Variants in SI observed in about 807,000 individuals in gnomAD.
SI encodes sucrase-isomaltase, intestinal.
A neutral mutation model predicts 253.3 loss-of-function variants in SI; 235 were observed. The ratio of observed to expected loss-of-function variants is 0.93; its 90% CI spans 0.83 to 1.03. The LOEUF (loss-of-function observed/expected upper bound fraction) is 1.03, where lower values mean the gene tolerates loss of function less well. Among genes scored for constraint, SI ranks in the 50% least tolerant of loss-of-function variants. The pLI, the probability that SI is intolerant of heterozygous loss-of-function variation, is 0.00. For synonymous variants in SI, 819 were observed against 712.0 expected, an observed-to-expected ratio of 1.15 and a Z score of -2.39; for missense variants, 2,442 against 2,211.1, an observed-to-expected ratio of 1.10 and a Z score of -2.09.
intron 19 of SI, 144 bp from the exon 20 acceptor site, chr3:165,039,278 G>T: frequency 1.6e-6 from 1 of 608,552 alleles, no homozygotes. Flanking sequence ...TAATCAAAGG[G>T]CTATTTTATT....
rs1047448736 is a variant in SI at position 165,037,939 on chromosome 3, A to C, written c.2387T>G (p.Ile796Ser). The C allele has an allele frequency of 6.2e-7, 1 of 1,611,316 alleles. No homozygotes were observed. The highest frequency in any genetic ancestry group is 8.5e-7 in the Non-Finnish European group (1 of 1,178,298). Residue 796 changes from isoleucine (I) to serine (S), a missense_variant, in exon 21 of 48, where the codon ATC (isoleucine) becomes AGC (serine). Physicochemically the swap from Ile to Ser is moderately radical, Grantham distance 142. Coordinates refer to ENST00000264382, the MANE Select transcript of SI (RefSeq NM_001041.4). Reference protein sequence around the residue: ...KIGLHLRGGYIIPIQEPDVTT... With the variant: ...KIGLHLRGGYSIPIQEPDVTT... ...TACATCTGGTTCTTGAATGGGGATG[A>C]TATAACCTCCTCTAAGATGTAATCC...
At chr3:165,055,104 GA>G (rs1275663725) in intron 13 of SI, 89 bp downstream of exon 13, 31 of 813,596 alleles carry the variant, frequency 3.8e-5, no homozygotes, top group Middle Eastern at 3.4e-4. Context: ...GAATACATCA[GA>G]AAAAAATATT....
intron 10 of SI, 61 bp from the exon 11 acceptor site, chr3:165,059,360 A>G: frequency 6.7e-7 from 1 of 1,484,442 alleles, no homozygotes; most frequent in Non-Finnish European, 9.4e-7. Context: ...AATCAAGTCA[A>G]TCTTTAACTC....
chr3:165,068,301 G>T (rs1714363530), intron 5 of SI, among the ~76,000 whole-genome samples: 1 of 152,122 alleles, frequency 6.6e-6, no homozygotes, highest in East Asian at 1.9e-4. Context: ...AAAAATAAGT[G>T]CAGAGCACAC....
intron 13 of SI, among the ~76,000 whole-genome samples, chr3:165,051,547 T>G (rs143692823): frequency 1.5e-3 from 231 of 152,160 alleles, no homozygotes; most frequent in African/African-American, 5.2e-3. Flanking sequence ...TAAACTACAT[T>G]TTTCTTCATG....
chr3:165,049,971 T>G, intron 13 of SI, 96 bp from the exon 14 acceptor site: 4 of 791,214 alleles, frequency 5.1e-6, no homozygotes, highest in Non-Finnish European at 8.9e-6. Flanking sequence ...TTATATAAGA[T>G]AACCATAATG....
intron 24 of SI, among the ~76,000 whole-genome samples, chr3:165,031,468 T>C (rs1712240373): frequency 6.7e-6 from 1 of 149,538 alleles, no homozygotes; most frequent in Non-Finnish European, 1.5e-5. Context: ...CCTCTTTTAA[T>C]CTCTATTAGA....
intron 34 of SI, among the ~76,000 whole-genome samples, 169 bp from the exon 35 acceptor site, chr3:165,009,564 A>G (rs1644565746): frequency 6.6e-6 from 1 of 151,112 alleles, no homozygotes; most frequent in Admixed American, 6.6e-5. Flanking sequence ...CAACACTTCA[A>G]TAGAGTAAAG....
At chr3:165,076,226 C>A (rs937158017) in intron 1 of SI, among the ~76,000 whole-genome samples, 13 of 151,542 alleles carry the variant, frequency 8.6e-5, no homozygotes, top group African/African-American at 2.7e-4. Flanking sequence ...AAAATGTAAG[C>A]AACACATGCA....
chr3:164,996,717 A>G (rs766266827), intron 39 of SI, 21 bp downstream of exon 39: 38 of 1,215,980 alleles, frequency 3.1e-5, no homozygotes, highest in Non-Finnish European at 3.9e-5. Context: ...TTATGAAGAT[A>G]AAAGGAATAA....
chr3:165,027,254 C>T (rs1042549020), intron 25 of SI, among the ~76,000 whole-genome samples: 7 of 150,502 alleles, frequency 4.7e-5, no homozygotes, highest in East Asian at 1.9e-4. Flanking sequence ...AACCTTAAAT[C>T]GGGAAGAATT....
At position 165,017,843 on chromosome 3, in the gene SI, G is replaced by A. The variant is rs1358763237; in HGVS notation, c.3551C>T (p.Thr1184Ile). ...CAAGATCCCTCCAACTGTACGGTAAGTTAGAGCAGGAGTTGGCTGGAATGT... is the reference window on the plus strand; with the variant it reads ...CAAGATCCCTCCAACTGTACGGTAAATTAGAGCAGGAGTTGGCTGGAATGT... ...DVTFQPTPALTYRTVGGILDF... is the reference protein window; with the variant it reads ...DVTFQPTPALIYRTVGGILDF... Residue 1184 changes from threonine (T) to isoleucine (I), a missense_variant, in exon 30 of 48, where the codon ACT becomes ATT. Physicochemically the swap from Thr to Ile is moderately conservative, Grantham distance 89. Coordinates refer to ENST00000264382, the MANE Select transcript of SI (RefSeq NM_001041.4). 1.2e-6 allele frequency: 2 copies of A among 1,612,908 alleles called. No homozygotes were observed. The highest frequency in any genetic ancestry group is 1.3e-5 in the African/African-American group (1 of 74,836).
intron 3 of SI, among the ~76,000 whole-genome samples, chr3:165,073,792 A>G (rs535307695): frequency 4.1e-4 from 63 of 152,272 alleles, no homozygotes; most frequent in African/African-American, 1.5e-3. Context: ...TAGCATTTAC[A>G]TGGTATTAGA....
chr3:165,019,567 G>A, intron 28 of SI, 35 bp downstream of exon 28: 4 of 1,599,340 alleles, frequency 2.5e-6, no homozygotes, highest in Non-Finnish European at 1.7e-6. Context: ...CATGGTCTTA[G>A]TTGCCTCGTG....
intron 3 of SI, 43 bp downstream of exon 3, chr3:165,074,488 A>G (rs1297334831): frequency 7.9e-7 from 1 of 1,259,838 alleles, no homozygotes; most frequent in Non-Finnish European, 1.1e-6. Context: ...TAATATAATA[A>G]TGTATATATT....
chr3:164,980,061 T>C (rs1422030467), intron 47 of SI, among the ~76,000 whole-genome samples: 3 of 151,856 alleles, frequency 2.0e-5, no homozygotes, highest in Non-Finnish European at 4.4e-5. Context: ...TTTTGTCCAA[T>C]GAACTGATAA....
chr3:165,015,596 C>G (rs1718985708), intron 32 of SI, among the ~76,000 whole-genome samples: 1 of 151,972 alleles, frequency 6.6e-6, no homozygotes, highest in African/African-American at 2.4e-5. Flanking sequence ...ATATGAAAAA[C>G]ATCAGAAGCA....
rs144579834 is a variant in SI, at chr3:165,016,068, T to C, written c.3772A>G (p.Thr1258Ala). Residue 1258 changes from threonine (T) to alanine (A), a missense_variant, in exon 32 of 48, where the codon ACA (threonine) becomes GCA (alanine). Thr to Ala is a moderately conservative substitution (Grantham distance 58). Transcript: ENST00000264382. ...AANIPYDVQY[T>A]DIDYMERQLD... The stretch of plus-strand genomic sequence containing the variant: ...TGCCTTTCCATGTAGTCAATGTCTG[T>C]GTACTGAACATCCTGAAATATCCAA... 151 of 1,612,950 alleles carry C rather than the reference T, an allele frequency of 9.4e-5. No individual in the cohort carries two copies. The African/African-American group carries it at 1.5e-3, about 17-fold the overall frequency.
intron 3 of SI, among the ~76,000 whole-genome samples, chr3:165,073,555 T>G (rs977325289): frequency 6.6e-6 from 1 of 152,092 alleles, no homozygotes; most frequent in African/African-American, 2.4e-5. Context: ...TTATAGTTTA[T>G]TCAGTTAATT....
Sources: gnomAD v4.1 joint callset for allele counts (sites outside exome capture counted in the v4.1 genomes callset) on GRCh38, gnomAD v4.1.1 for gene constraint, MANE v1.5 for transcripts, NCBI Gene and HGNC (gene_info 2026-07-23, HGNC 2026-07-21) for gene names.